The following EFNA5 variants were observed in gnomAD, a reference collection of about 807,000 sequenced individuals.
The protein encoded by EFNA5 is ephrin A5, also known as ephrin-A5.
Under a neutral mutation model 22.9 loss-of-function variants are expected in EFNA5, and 5 were observed. The observed-to-expected ratio is 0.22, with a 90% confidence interval of 0.11 to 0.46. The LOEUF (loss-of-function observed/expected upper bound fraction) is 0.46. EFNA5 is among the 20% of genes least tolerant of loss of function. The pLI is 0.99. For synonymous variants in EFNA5, 113 were observed against 112.2 expected (o/e 1.01, Z -0.04); for missense variants, 237 against 293.3 (o/e 0.81, Z 1.40).
intron 1 of EFNA5, among the ~76,000 whole-genome samples, chr5:107,524,599 T>C (rs1192355475): frequency 6.6e-6 from 1 of 152,170 alleles, no homozygotes; most frequent in East Asian, 1.9e-4. Context: ...ATGCTAGCCA[T>C]ACTGAATATA....
chr5:107,459,626 G>A (rs1561395568), intron 1 of EFNA5, among the ~76,000 whole-genome samples: 1 of 152,100 alleles, frequency 6.6e-6, no homozygotes, highest in Non-Finnish European at 1.5e-5. Flanking sequence ...CTGGAGTTCT[G>A]TAAATGTAAA....
At chr5:107,637,722 T>C (rs917926711) in intron 1 of EFNA5, among the ~76,000 whole-genome samples, 20 of 148,556 alleles carry the variant, frequency 1.3e-4, no homozygotes, top group Non-Finnish European at 2.7e-4. Context: ...AGATTATATA[T>C]AATATATAAT....
chr5:107,383,164 C>T (rs1158015516), intron 4 of EFNA5, among the ~76,000 whole-genome samples: 2 of 152,162 alleles, frequency 1.3e-5, no homozygotes, highest in Non-Finnish European at 2.9e-5. Flanking sequence ...CCATTTTAGC[C>T]TCCCCTCGAA....
chr5:107,496,778 A>C (rs1746996877), intron 1 of EFNA5, among the ~76,000 whole-genome samples: 1 of 152,230 alleles, frequency 6.6e-6, no homozygotes, highest in Admixed American at 6.5e-5. Flanking sequence ...GTGGGTCAGC[A>C]AACCTAGGAC....
At chr5:107,431,708 T>C (rs1012940730) in intron 1 of EFNA5, among the ~76,000 whole-genome samples, 5 of 152,152 alleles carry the variant, frequency 3.3e-5, no homozygotes, top group Non-Finnish European at 5.9e-5. Flanking sequence ...ACTATATTCC[T>C]CCAGAGGGAC....
At chr5:107,572,842 G>A (rs1748847772) in intron 1 of EFNA5, among the ~76,000 whole-genome samples, 1 of 152,108 alleles carries the variant, frequency 6.6e-6, no homozygotes, top group Admixed American at 6.6e-5. Flanking sequence ...TAAGCATGCT[G>A]ATGTTTTGTA....
chr5:107,560,833 G>C (rs73198643), intron 1 of EFNA5, among the ~76,000 whole-genome samples: 1 of 152,138 alleles, frequency 6.6e-6, no homozygotes, highest in South Asian at 2.1e-4. Flanking sequence ...CCTGAGATCA[G>C]AATCCCAAAG....
chr5:107,443,743 G>A (rs1445319332), intron 1 of EFNA5, among the ~76,000 whole-genome samples: 1 of 152,114 alleles, frequency 6.6e-6, no homozygotes, highest in African/African-American at 2.4e-5. Flanking sequence ...AGAGCATTAG[G>A]AAAAGTACCT....
intron 1 of EFNA5, among the ~76,000 whole-genome samples, chr5:107,487,332 TA>T (rs1746658815): frequency 6.6e-6 from 1 of 152,196 alleles, no homozygotes; most frequent in South Asian, 2.1e-4. Context: ...TGCATTCTGT[TA>T]CAAAACACTG....
chr5:107,434,542 G>A (rs1177441954), intron 1 of EFNA5, among the ~76,000 whole-genome samples: 2 of 152,162 alleles, frequency 1.3e-5, no homozygotes, highest in African/African-American at 2.4e-5. Flanking sequence ...GAAAAGGAAG[G>A]GTATGGTGCA....
At chr5:107,399,365 G>GAAAGGAAAGGA (rs1178223168) in intron 2 of EFNA5, among the ~76,000 whole-genome samples, 4 of 144,452 alleles carry the variant, frequency 2.8e-5, no homozygotes, top group Non-Finnish European at 6.2e-5. Flanking sequence ...GAAAGGAAAG[G>GAAAGGAAAGGA]AAGGAGGGAG....
intron 4 of EFNA5, among the ~76,000 whole-genome samples, chr5:107,383,175 T>A (rs1361683379): frequency 5.9e-5 from 9 of 152,156 alleles, no homozygotes; most frequent in Non-Finnish European, 5.9e-5. Context: ...TCCCCTCGAA[T>A]AAAAGCTACT....
chr5:107,466,354 A>G (rs1749982244), intron 1 of EFNA5, among the ~76,000 whole-genome samples: 1 of 152,100 alleles, frequency 6.6e-6, no homozygotes, highest in African/African-American at 2.4e-5. Context: ...CCAGTCAGCT[A>G]GGCTTGGAGA....
intron 1 of EFNA5, among the ~76,000 whole-genome samples, chr5:107,583,959 A>C (rs1303457901): frequency 6.6e-6 from 1 of 152,144 alleles, no homozygotes; most frequent in Non-Finnish European, 1.5e-5. Context: ...TACACCTCAG[A>C]GCAAAGATAA....
chr5:107,488,819 G>A (rs900551979), intron 1 of EFNA5, among the ~76,000 whole-genome samples: 5 of 152,148 alleles, frequency 3.3e-5, no homozygotes, highest in African/African-American at 1.2e-4. Context: ...AGCCTCCCAA[G>A]TAGCTGGGAT....
intron 1 of EFNA5, among the ~76,000 whole-genome samples, chr5:107,448,190 TG>T (rs1302759630): frequency 1.3e-5 from 2 of 152,190 alleles, no homozygotes; most frequent in Non-Finnish European, 2.9e-5. Flanking sequence ...ACAGACTGGA[TG>T]GAGAGAAAGC....
chr5:107,547,631 G>A lies in EFNA5; in HGVS notation c.126-120122C>T, dbSNP rs182126509. 1.4e-3 allele frequency among the ~76,000 whole-genome samples: 216 copies of A among 152,152 alleles called. 1 individual carries two copies. Among genetic ancestry groups the A allele is most frequent in the Middle Eastern group, 0.01 (3 of 294 alleles). On this transcript the variant is annotated intron_variant, in intron 1 of 4. Coordinates refer to ENST00000333274, the MANE Select transcript of EFNA5 (RefSeq NM_001962.3). Reference sequence around the variant, plus strand: ...TGGCAGGGCATTTTTCTTTGAGTTGGCTGCAGAGCATTAAAAAAGACATTA... The same window carrying A: ...TGGCAGGGCATTTTTCTTTGAGTTGACTGCAGAGCATTAAAAAAGACATTA...
chr5:107,541,382 AAT>A (rs1264025104), intron 1 of EFNA5, among the ~76,000 whole-genome samples: 7 of 152,234 alleles, frequency 4.6e-5, no homozygotes, highest in Non-Finnish European at 2.9e-5. Context: ...GAATTTTACA[AAT>A]ATGTTACACA....
At chr5:107,397,369 T>TCCAA (rs1747956090) in intron 2 of EFNA5, among the ~76,000 whole-genome samples, 6 of 152,116 alleles carry the variant, frequency 3.9e-5, no homozygotes, top group Admixed American at 2.6e-4. Flanking sequence ...GCCAAGATGG[T>TCCAA]GAAATCCCAC....
Sources: allele counts gnomAD v4.1 joint callset (sites outside exome capture counted in the v4.1 genomes callset), GRCh38; gene constraint gnomAD v4.1.1; transcripts MANE v1.5; gene names NCBI Gene and HGNC (gene_info 2026-07-23, HGNC 2026-07-21).